Variants in CSNK1G1 observed in about 807,000 individuals in gnomAD.
CSNK1G1 encodes casein kinase 1 gamma 1, also known as casein kinase I isoform gamma-1.
Under a neutral mutation model 59.6 loss-of-function variants are expected in CSNK1G1, and 22 were observed. That is an observed-to-expected ratio of 0.37 (90% CI 0.26 to 0.53). The LOEUF (loss-of-function observed/expected upper bound fraction) is 0.53. Ranked by LOEUF, CSNK1G1 falls within the 20% of genes least tolerant of loss-of-function variation. CSNK1G1 has a pLI of 0.89. For missense variants in CSNK1G1, 384 were observed against 519.5 expected, an observed-to-expected ratio of 0.74 and a Z score of 2.54; for synonymous variants, 179 against 177.1, an observed-to-expected ratio of 1.01 and a Z score of -0.08.
At chr15:64,317,645 C>T (rs1896346245) in intron 1 of CSNK1G1, among the ~76,000 whole-genome samples, 1 of 151,540 alleles carries the variant, frequency 6.6e-6, no homozygotes, top group Non-Finnish European at 1.5e-5. Context: ...ACTACAGGGG[C>T]ATACCATCAC....
chr15:64,183,911 T>C (rs1311387033), intron 10 of CSNK1G1, among the ~76,000 whole-genome samples: 6 of 151,944 alleles, frequency 3.9e-5, no homozygotes, highest in Non-Finnish European at 8.8e-5. Flanking sequence ...AATTTTTGTA[T>C]TTTTTAGTAG....
chr15:64,322,893 T>C (rs752906487), intron 1 of CSNK1G1, among the ~76,000 whole-genome samples: 1 of 151,956 alleles, frequency 6.6e-6, no homozygotes, highest in Non-Finnish European at 1.5e-5. Flanking sequence ...AATCATAACA[T>C]TGTAAAATGC....
intron 10 of CSNK1G1, 61 bp downstream of exon 10, chr15:64,203,021 G>C (rs1030155813): frequency 8.4e-7 from 1 of 1,189,134 alleles, no homozygotes; most frequent in Non-Finnish European, 1.3e-6. Flanking sequence ...TGAAGAATTT[G>C]GGTTTTAATA....
intron 4 of CSNK1G1, among the ~76,000 whole-genome samples, chr15:64,243,941 G>A (rs924043157): frequency 6.6e-6 from 1 of 151,964 alleles, no homozygotes; most frequent in African/African-American, 2.4e-5. Context: ...GGCCTAGGCA[G>A]GTGGATCACC....
At chr15:64,175,579 C>G (rs890506390) in intron 11 of CSNK1G1, among the ~76,000 whole-genome samples, 1 of 152,122 alleles carries the variant, frequency 6.6e-6, no homozygotes, top group Admixed American at 6.5e-5. Flanking sequence ...ATTCCAGGAA[C>G]CTTTTCCAGG....
intron 10 of CSNK1G1, among the ~76,000 whole-genome samples, chr15:64,189,857 C>A (rs965902561): frequency 7.0e-6 from 1 of 143,472 alleles, no homozygotes; most frequent in Admixed American, 7.4e-5. Context: ...CTCGCTCTGT[C>A]GCCCAGGCTG....
At chr15:64,354,605 T>C (rs1360546830) in intron 1 of CSNK1G1, among the ~76,000 whole-genome samples, 1 of 152,196 alleles carries the variant, frequency 6.6e-6, no homozygotes, top group Admixed American at 6.5e-5. Flanking sequence ...TCCTATTGTA[T>C]GCATTTTTTT....
chr15:64,293,330 TA>T (rs769713717), intron 2 of CSNK1G1, among the ~76,000 whole-genome samples: 1 of 152,138 alleles, frequency 6.6e-6, no homozygotes, highest in Non-Finnish European at 1.5e-5. Flanking sequence ...AAATACTCTT[TA>T]AAAAAATAAG....
chr15:64,348,004 CAAA>C (rs922049447), intron 1 of CSNK1G1, among the ~76,000 whole-genome samples: 6 of 88,154 alleles, frequency 6.8e-5, no homozygotes, highest in Admixed American at 2.7e-4. Flanking sequence ...AACTCTGTGT[CAAA>C]AAAAAAAAAA....
intron 2 of CSNK1G1, among the ~76,000 whole-genome samples, chr15:64,260,954 A>C (rs1566923692): frequency 6.6e-6 from 1 of 152,202 alleles, no homozygotes; most frequent in Non-Finnish European, 1.5e-5. Flanking sequence ...TTGGTTTCTT[A>C]GGTCAAACAC....
In CSNK1G1 at chr15:64,176,738, A is replaced by T. The variant is rs1182318850; in HGVS notation, c.1214+3610T>A. On this transcript the variant is annotated intron_variant, in intron 11 of 11. Transcript: ENST00000303052. The surrounding 1 kb of genome is among the most constrained non-coding windows in gnomAD (Gnocchi z 5.2). Reference sequence around the variant, plus strand: ...ATTCTGAGGGAAAAAGAAAGTCCCTAGCCTTTGTGCAAGTCCAACATGCCT... The same window carrying T: ...ATTCTGAGGGAAAAAGAAAGTCCCTTGCCTTTGTGCAAGTCCAACATGCCT... Among the ~76,000 whole-genome samples, 2 of 152,236 alleles carry T rather than the reference A, an allele frequency of 1.3e-5. No individual in the cohort carries two copies. Among genetic ancestry groups the T allele is most frequent in the Non-Finnish European group, 2.9e-5 (2 of 68,046 alleles).
chr15:64,230,671 G>A (rs894041593), intron 4 of CSNK1G1, among the ~76,000 whole-genome samples: 1 of 152,108 alleles, frequency 6.6e-6, no homozygotes, highest in South Asian at 2.1e-4. Flanking sequence ...GTCTGTGAGG[G>A]TATTTAAAAA....
chr15:64,342,974 G>A (rs966425009), intron 1 of CSNK1G1, among the ~76,000 whole-genome samples: 1 of 152,012 alleles, frequency 6.6e-6, no homozygotes, highest in Non-Finnish European at 1.5e-5. Context: ...TGCTGCTGCT[G>A]GTCAAGAAAC....
chr15:64,286,150 T>C (rs1427580567), intron 2 of CSNK1G1, among the ~76,000 whole-genome samples: 1 of 152,116 alleles, frequency 6.6e-6, no homozygotes, highest in Non-Finnish European at 1.5e-5. Flanking sequence ...CAGCCCTTTC[T>C]CCTTACTGCC....
intron 4 of CSNK1G1, among the ~76,000 whole-genome samples, chr15:64,225,500 GCAGAATCTTGATTCTGACTGGTCCTGGA>G (rs2082447959): frequency 1.3e-5 from 2 of 152,094 alleles, no homozygotes; most frequent in Admixed American, 1.3e-4. Flanking sequence ...TTGGTCCTGG[GCAGAATCTTGATTCTGACTGGTCCTGGA>G]CAGAATCCTG....
intron 11 of CSNK1G1, among the ~76,000 whole-genome samples, chr15:64,174,249 T>C (rs2081714181): frequency 1.3e-5 from 2 of 152,230 alleles, no homozygotes; most frequent in East Asian, 1.9e-4. Context: ...AAGCATATCA[T>C]AACTGGATGT....
intron 1 of CSNK1G1, among the ~76,000 whole-genome samples, chr15:64,306,904 C>T (rs1054704532): frequency 3.8e-4 from 54 of 143,642 alleles, no homozygotes; most frequent in Non-Finnish European, 6.9e-4. Context: ...TACTACATTC[C>T]AAATTCATGA....
chr15:64,287,703 T>G (rs1422887943), intron 2 of CSNK1G1, among the ~76,000 whole-genome samples: 2 of 152,310 alleles, frequency 1.3e-5, no homozygotes, highest in Non-Finnish European at 2.9e-5. Context: ...TTCTCTTTTA[T>G]GAAGATGGTT....
At position 64,184,417 on chromosome 15, in the gene CSNK1G1, C is replaced by T. The variant is rs903901086; in HGVS notation, c.1108-3963G>A. ...TGCGGCCAGGCACGGTGGCTCGTGCCTGTAATCCTAGCACTTTGGGAGGCC... is the reference window on the plus strand; with the variant it reads ...TGCGGCCAGGCACGGTGGCTCGTGCTTGTAATCCTAGCACTTTGGGAGGCC... On this transcript the variant is annotated intron_variant, in intron 10 of 11. Transcript: ENST00000303052. 2.0e-5 allele frequency among the ~76,000 whole-genome samples: 3 copies of T among 152,068 alleles called. No individual in the cohort carries two copies. The East Asian group carries it at 5.8e-4, about 29-fold the overall frequency.
Sources: gnomAD v4.1 joint callset for allele counts (sites outside exome capture counted in the v4.1 genomes callset) on GRCh38, gnomAD v4.1.1 for gene constraint, Gnocchi (gnomAD v3.1) non-coding constraint, MANE v1.5 for transcripts, NCBI Gene and HGNC (gene_info 2026-07-23, HGNC 2026-07-21) for gene names.